Variants in NTM observed in about 807,000 individuals in gnomAD.
The protein encoded by NTM is IgLON family member 2.
A neutral mutation model predicts 42.1 loss-of-function variants in NTM; 13 were observed. That is an observed-to-expected ratio of 0.31 (90% confidence interval 0.20 to 0.49). The LOEUF (loss-of-function observed/expected upper bound fraction) is 0.49, where lower values mean the gene tolerates loss of function less well. Ranked by LOEUF, NTM falls within the 20% of genes least tolerant of loss-of-function variation. The pLI is 0.99. For missense variants in NTM, 373 were observed against 452.8 expected (o/e 0.82, Z 1.60); for synonymous variants, 187 against 179.2 (o/e 1.04, Z -0.35).
At chr11:131,426,038 A>G (rs1591633133) in intron 1 of NTM, among the ~76,000 whole-genome samples, 1 of 152,128 alleles carries the variant, frequency 6.6e-6, no homozygotes, top group African/African-American at 2.4e-5. Context: ...GGTGGTGACC[A>G]ATGGCCACGC....
chr11:132,271,653 G>C (rs1456157643), intron 4 of NTM, among the ~76,000 whole-genome samples: 2 of 151,840 alleles, frequency 1.3e-5, no homozygotes, highest in Non-Finnish European at 2.9e-5. Flanking sequence ...CTAATGATAG[G>C]AACTGTTTTT....
intron 8 of NTM, among the ~76,000 whole-genome samples, chr11:132,331,881 T>C (rs2095807005): frequency 6.6e-6 from 1 of 152,180 alleles, no homozygotes; most frequent in African/African-American, 2.4e-5. Context: ...GACCCGCCCC[T>C]GTGTGCTCAC....
intron 2 of NTM, among the ~76,000 whole-genome samples, chr11:132,128,200 A>G (rs1210712653): frequency 6.6e-6 from 1 of 151,634 alleles, no homozygotes; most frequent in African/African-American, 2.4e-5. Flanking sequence ...CCCAGACACT[A>G]AAGTATATGA....
At position 132,263,588 on chromosome 11, in the gene NTM, G is replaced by T. The variant is rs145155176; in HGVS notation, c.527-44101G>T. 8.6e-3 allele frequency among the ~76,000 whole-genome samples: 1,308 copies of T among 151,990 alleles called. 18 individuals are homozygous for T. Among genetic ancestry groups the T allele is most frequent in the South Asian group, 0.048 (232 of 4,796 alleles). The stretch of plus-strand genomic sequence containing the variant: ...AGCTGAGAATTTTCCAGATCTTTAC[G>T]TTCTGGTTCCTTTTTTTTTCCTGAA... On this transcript the variant is annotated intron_variant, in intron 4 of 8. Coordinates refer to ENST00000683400, the MANE Select transcript of NTM (RefSeq NM_001352005.2).
intron 1 of NTM, among the ~76,000 whole-genome samples, chr11:131,874,426 A>G (rs1324259127): frequency 6.6e-6 from 1 of 152,188 alleles, no homozygotes; most frequent in Non-Finnish European, 1.5e-5. Context: ...AGCAACAACA[A>G]AATAACAGTT....
At chr11:131,567,697 T>G (rs745026) in intron 1 of NTM, among the ~76,000 whole-genome samples, 4,996 of 152,326 alleles carry the variant, frequency 0.033, 215 homozygotes, top group African/African-American at 0.097. Flanking sequence ...AATGGAAGTA[T>G]GAGCCTGCAT....
intron 1 of NTM, among the ~76,000 whole-genome samples, chr11:131,525,408 A>G (rs915831993): frequency 6.6e-6 from 1 of 152,300 alleles, no homozygotes; most frequent in African/African-American, 2.4e-5. Context: ...AGGCGAGACA[A>G]GGGAAGTGGT....
At chr11:131,440,350 G>A (rs1182631380) in intron 1 of NTM, among the ~76,000 whole-genome samples, 1 of 152,082 alleles carries the variant, frequency 6.6e-6, no homozygotes, top group Non-Finnish European at 1.5e-5. Flanking sequence ...AGGTTAAGTG[G>A]GAGCTACACA....
intron 2 of NTM, among the ~76,000 whole-genome samples, chr11:131,931,463 A>G (rs1398012351): frequency 8.4e-6 from 1 of 119,442 alleles, no homozygotes; most frequent in Non-Finnish European, 1.8e-5. Flanking sequence ...TAATAATAAT[A>G]TATACGTGTG....
At chr11:131,818,475 AG>A (rs2136383100) in intron 1 of NTM, among the ~76,000 whole-genome samples, 1 of 152,274 alleles carries the variant, frequency 6.6e-6, no homozygotes, top group Admixed American at 6.5e-5. Flanking sequence ...GGATTTGTAT[AG>A]CTGGATAGGG....
intron 4 of NTM, among the ~76,000 whole-genome samples, chr11:132,296,537 A>G (rs1399775278): frequency 1.3e-5 from 2 of 152,214 alleles, no homozygotes; most frequent in Admixed American, 1.3e-4. Context: ...TTTACTAAGG[A>G]GGGAACTGAG....
At chr11:132,202,289 C>T (rs549783554) in intron 3 of NTM, among the ~76,000 whole-genome samples, 1 of 152,228 alleles carries the variant, frequency 6.6e-6, no homozygotes, top group African/African-American at 2.4e-5. Flanking sequence ...TACAAGGGAG[C>T]AGCAAATGTG....
At chr11:131,421,731 C>A (rs1947549926) in intron 1 of NTM, among the ~76,000 whole-genome samples, 1 of 152,170 alleles carries the variant, frequency 6.6e-6, no homozygotes, top group African/African-American at 2.4e-5. Context: ...TGCTGACTAA[C>A]CTACATATCT....
chr11:131,676,935 A>G (rs2071526488), intron 1 of NTM, among the ~76,000 whole-genome samples: 1 of 152,190 alleles, frequency 6.6e-6, no homozygotes, highest in Admixed American at 6.5e-5. Context: ...TTCTGTTGCC[A>G]TATCTCTTTA....
At chr11:131,917,345 C>T (rs1324588091) in intron 2 of NTM, among the ~76,000 whole-genome samples, 1 of 152,216 alleles carries the variant, frequency 6.6e-6, no homozygotes, top group African/African-American at 2.4e-5. Context: ...TCTGACTGGG[C>T]AGCTGTGTGA....
intron 2 of NTM, among the ~76,000 whole-genome samples, chr11:131,941,425 G>A (rs189056913): frequency 6.6e-6 from 1 of 152,116 alleles, no homozygotes; most frequent in South Asian, 2.1e-4. Flanking sequence ...AGCAGGGTGT[G>A]GCCATGTGAC....
intron 4 of NTM, among the ~76,000 whole-genome samples, chr11:132,218,951 A>G (rs975800325): frequency 3.3e-5 from 5 of 152,158 alleles, no homozygotes; most frequent in African/African-American, 1.2e-4. Flanking sequence ...GTCATGCTGG[A>G]GTAGTGATAA....
chr11:132,121,088 G>A (rs768987732), intron 2 of NTM, among the ~76,000 whole-genome samples: 2 of 152,192 alleles, frequency 1.3e-5, no homozygotes, highest in Admixed American at 6.5e-5. Flanking sequence ...GTGTTCACAG[G>A]AGAAAAGTAG....
chr11:132,072,207 C>A (rs2057772297), intron 2 of NTM, among the ~76,000 whole-genome samples: 1 of 152,182 alleles, frequency 6.6e-6, no homozygotes, highest in Non-Finnish European at 1.5e-5. Context: ...GCAAACCCCC[C>A]AAGCAGCCAG....
Sources: allele counts gnomAD v4.1 joint callset (sites outside exome capture counted in the v4.1 genomes callset), GRCh38; gene constraint gnomAD v4.1.1; transcripts MANE v1.5; gene names NCBI Gene and HGNC (gene_info 2026-07-23, HGNC 2026-07-21).